EPHA7: variants seen among roughly 807,000 people sequenced by gnomAD.
The protein encoded by EPHA7 is EPH receptor A7.
A neutral mutation model predicts 112.6 loss-of-function variants in EPHA7; 25 were observed. That is an observed-to-expected ratio of 0.22 (90% CI 0.16 to 0.31). The LOEUF is 0.31. Among genes scored for constraint, EPHA7 ranks in the 10% least tolerant of loss-of-function variants. The pLI is 1.00. For synonymous variants in EPHA7, 437 were observed against 406.5 expected, an observed-to-expected ratio of 1.07 and a Z score of -0.90; for missense variants, 962 against 1,212.6, an observed-to-expected ratio of 0.79 and a Z score of 3.07.
At chr6:93,380,796 C>A (rs967476236) in intron 3 of EPHA7, among the ~76,000 whole-genome samples, 5 of 152,068 alleles carry the variant, frequency 3.3e-5, no homozygotes, top group African/African-American at 1.2e-4. Flanking sequence ...AACTTTCCAC[C>A]CAGTAAAGAA....
At chr6:93,390,673 C>G (rs1266640811) in intron 3 of EPHA7, among the ~76,000 whole-genome samples, 1 of 151,282 alleles carries the variant, frequency 6.6e-6, no homozygotes, top group Non-Finnish European at 1.5e-5. Flanking sequence ...TAAGGGTGTT[C>G]ATTATACTAT....
chr6:93,364,012 A>G (rs1776381116), intron 3 of EPHA7, among the ~76,000 whole-genome samples: 1 of 152,214 alleles, frequency 6.6e-6, no homozygotes, highest in African/African-American at 2.4e-5. Flanking sequence ...AGATGTAGAA[A>G]ATAGATTACC....
chr6:93,367,482 T>A (rs1253091532), intron 3 of EPHA7, among the ~76,000 whole-genome samples: 1 of 152,126 alleles, frequency 6.6e-6, no homozygotes, highest in Non-Finnish European at 1.5e-5. Flanking sequence ...TTACATAATT[T>A]TAACACATTT....
Position 93,241,530 on chromosome 6 carries a change from G to A in EPHA7, c.*1896C>T, listed in dbSNP as rs956052547. 3 of 215,682 alleles carry A rather than the reference G, an allele frequency of 1.4e-5. No homozygotes were observed. The highest frequency in any genetic ancestry group is 6.9e-5 in the East Asian group (1 of 14,468). The allele number at this position is 215,682 out of a possible 1,614,324, so 13.4% of individuals were successfully genotyped here. ...TATTTTTACAGATTACTTTTCCTTA[G>A]GGACAAAAAACATTTTAGTGAAATT... On this transcript the variant is annotated 3_prime_UTR_variant, in exon 17 of 17. Transcript: ENST00000369303.
intron 14 of EPHA7, among the ~76,000 whole-genome samples, chr6:93,251,493 C>T (rs1330067506): frequency 7.1e-6 from 1 of 141,006 alleles, no homozygotes; most frequent in Non-Finnish European, 1.6e-5. Context: ...TTTAAAAATA[C>T]TTTTTTCTTA....
intron 5 of EPHA7, among the ~76,000 whole-genome samples, chr6:93,287,560 G>A (rs1279736361): frequency 6.6e-6 from 1 of 151,030 alleles, no homozygotes; most frequent in Admixed American, 6.6e-5. Context: ...TTAGTTCAAG[G>A]GTACCTGTGC....
At chr6:93,279,283 A>G (rs984582233) in intron 5 of EPHA7, among the ~76,000 whole-genome samples, 2 of 152,138 alleles carry the variant, frequency 1.3e-5, no homozygotes, top group African/African-American at 4.8e-5. Flanking sequence ...ATTTTATAAC[A>G]TATCATTTAA....
At chr6:93,415,028 G>A (rs996564381) in intron 1 of EPHA7, among the ~76,000 whole-genome samples, 1 of 151,952 alleles carries the variant, frequency 6.6e-6, no homozygotes, top group African/African-American at 2.4e-5. Flanking sequence ...ATATTAGAAT[G>A]AGGGTAGAAA....
intron 3 of EPHA7, among the ~76,000 whole-genome samples, chr6:93,373,103 T>G (rs1331934507): frequency 6.6e-6 from 1 of 151,954 alleles, no homozygotes; most frequent in Non-Finnish European, 1.5e-5. Flanking sequence ...TGATACATGA[T>G]TATATAACAG....
intron 5 of EPHA7, among the ~76,000 whole-genome samples, chr6:93,308,788 A>G (rs1035376921): frequency 1.3e-5 from 2 of 151,974 alleles, no homozygotes; most frequent in African/African-American, 2.4e-5. Flanking sequence ...TCCTATATAA[A>G]TACCACATTT....
At position 93,414,871 on chromosome 6, in the gene EPHA7, A is replaced by G. The variant is rs896027246; in HGVS notation, c.98-104T>C. On this transcript the variant is annotated intron_variant, in intron 1 of 16. Coordinates refer to ENST00000369303, the MANE Select transcript of EPHA7 (RefSeq NM_004440.4). ...TCATATAACTATCACTATATGACTTAAGATCTGTAGTTATTTATGTAAATC... is the reference window on the plus strand; with the variant it reads ...TCATATAACTATCACTATATGACTTGAGATCTGTAGTTATTTATGTAAATC... 82 of 843,534 alleles carry G rather than the reference A, an allele frequency of 9.7e-5. 1 individual carries two copies. The highest frequency in any genetic ancestry group is 5.3e-4 in the Middle Eastern group (2 of 3,772). 52.3% of individuals were successfully genotyped at this position (843,534 alleles called of 1,614,324 possible).
At chr6:93,379,159 C>T (rs1479544100) in intron 3 of EPHA7, among the ~76,000 whole-genome samples, 1 of 152,010 alleles carries the variant, frequency 6.6e-6, no homozygotes, top group Non-Finnish European at 1.5e-5. Context: ...ATGATCAGAA[C>T]ATAAATATGT....
rs1207755122 is a variant in EPHA7, at chr6:93,410,671, C to A, written c.662G>T (p.Gly221Val). The change falls in exon 3 of 17, where the codon GGT becomes GTT. Residue 221 changes from glycine (G) to valine (V), a missense_variant. Physicochemically the swap from Gly to Val is moderately radical, Grantham distance 109. Coordinates refer to ENST00000369303, the MANE Select transcript of EPHA7 (RefSeq NM_004440.4). This position sits in a 1 kb window ranked among gnomAD's most constrained non-coding sequence, Gnocchi z 4.0. ...NLAIFPDTVT[G>V]SEFSSLVEVR... ...CTCGACTAAAGAGGAAAATTCTGAA[C>A]CAGTCACTGTATCTGGAAAGATAGC... 3 of 1,614,046 alleles carry A rather than the reference C, an allele frequency of 1.9e-6. No homozygotes were observed. In the African/African-American group the frequency reaches 4.0e-5, roughly 22 times the overall value.
chr6:93,268,134 T>A (rs186728986), intron 7 of EPHA7, among the ~76,000 whole-genome samples: 57 of 151,806 alleles, frequency 3.8e-4, no homozygotes, highest in Non-Finnish European at 6.9e-4. Context: ...ATATAATCTA[T>A]TTAAAAAGAA....
chr6:93,275,452 T>A (rs1771425512), intron 5 of EPHA7, among the ~76,000 whole-genome samples: 1 of 151,910 alleles, frequency 6.6e-6, no homozygotes, highest in South Asian at 2.1e-4. Flanking sequence ...AAAATTAAAT[T>A]CAACTGAAAA....
intron 3 of EPHA7, among the ~76,000 whole-genome samples, chr6:93,390,021 A>G (rs538134218): frequency 6.6e-6 from 1 of 152,050 alleles, no homozygotes; most frequent in South Asian, 2.1e-4. Flanking sequence ...AATTTATAAT[A>G]CAGGGTTCTG....
chr6:93,287,960 T>C (rs935803011), intron 5 of EPHA7, among the ~76,000 whole-genome samples: 4 of 152,144 alleles, frequency 2.6e-5, no homozygotes, highest in South Asian at 2.1e-4. Context: ...AATTTGAAAA[T>C]AGAATTCTTT....
chr6:93,392,433 C>A (rs932012603), intron 3 of EPHA7, among the ~76,000 whole-genome samples: 1 of 151,836 alleles, frequency 6.6e-6, no homozygotes, highest in Non-Finnish European at 1.5e-5. Flanking sequence ...ATTTTTCCCT[C>A]CAGATCGACA....
intron 14 of EPHA7, among the ~76,000 whole-genome samples, chr6:93,252,182 G>A (rs1039754492): frequency 2.6e-5 from 4 of 151,858 alleles, no homozygotes; most frequent in Non-Finnish European, 4.4e-5. Flanking sequence ...ACTTTATCCA[G>A]CATTCAGCCT....
Sources: allele counts gnomAD v4.1 joint callset (sites outside exome capture counted in the v4.1 genomes callset), GRCh38; gene constraint gnomAD v4.1.1; non-coding constraint Gnocchi (gnomAD v3.1); transcripts MANE v1.5; gene names NCBI Gene and HGNC (gene_info 2026-07-23, HGNC 2026-07-21).